Variants in POLE observed in about 807,000 individuals in gnomAD.
POLE encodes the protein DNA polymerase epsilon, catalytic subunit, also known as DNA polymerase epsilon catalytic subunit A.
Under a neutral mutation model 279.2 loss-of-function variants are expected in POLE, and 188 were observed. The observed-to-expected ratio is 0.67, with a 90% CI of 0.60 to 0.76. The LOEUF is 0.76. Among genes scored for constraint, POLE ranks in the 30% least tolerant of loss-of-function variants. The pLI is 0.00. For missense variants in POLE, 2,703 were observed against 3,016.7 expected, an observed-to-expected ratio of 0.90 and a Z score of 2.44; for synonymous variants, 1,214 against 1,172.5, an observed-to-expected ratio of 1.04 and a Z score of -0.72.
chr12:132,631,762 C>G (rs930437805), intron 45 of POLE, among the ~76,000 whole-genome samples: 1 of 152,236 alleles, frequency 6.6e-6, no homozygotes, highest in African/African-American at 2.4e-5. Context: ...GGTGACCCAT[C>G]CTCCCAGCCG....
chr12:132,687,125 G>C (rs1056064594), intron 1 of POLE, 129 bp downstream of exon 1: 15 of 455,920 alleles, frequency 3.3e-5, no homozygotes, highest in Non-Finnish European at 4.6e-5. Context: ...CCCTACCCCA[G>C]TCAGGCGCGG....
At position 132,649,821 on chromosome 12, in the gene POLE, G is replaced by A. The variant is rs765445494; in HGVS notation, c.3651C>T (p.Leu1217=). The A allele has an allele frequency of 2.4e-5, 39 of 1,614,014 alleles. No homozygotes were observed. The highest frequency in any genetic ancestry group is 3.3e-5 in the South Asian group (3 of 91,080). ...GGGCTGCTGGGTGAGGCAGCTTTACGAGGCCGAAGTCCTCCATGTCAGGAG... is the reference window on the plus strand; with the variant it reads ...GGGCTGCTGGGTGAGGCAGCTTTACAAGGCCGAAGTCCTCCATGTCAGGAG... ...PSAPDMEDFG[L]VKLPHPAAPV... is the part of the protein sequence containing the mutation. The change falls in exon 30 of 49, where the codon CTC becomes CTT. Residue 1217 remains leucine, a synonymous_variant. Coordinates refer to ENST00000320574, the MANE Select transcript of POLE (RefSeq NM_006231.4).
rs543270839 is a variant in POLE at position 132,672,904 on chromosome 12, C to T, written c.1474-65G>A. 5.7e-6 allele frequency: 8 copies of T among 1,414,398 alleles called. No homozygotes were observed. The South Asian group carries it at 8.4e-5, about 15-fold the overall frequency. 87.6% of individuals were successfully genotyped at this position (1,414,398 alleles called of 1,614,324 possible). A position where few individuals can be genotyped will look rare whatever the true frequency, so the allele number is the denominator to read the frequency against. ...AAAGGCCCTGACTTGCAGGCAAAGT[C>T]CAGGAACCTAAGCTGAACTTCAGTG... On this transcript the variant is annotated intron_variant, in intron 14 of 48. Coordinates refer to ENST00000320574, the MANE Select transcript of POLE (RefSeq NM_006231.4).
intron 20 of POLE, among the ~76,000 whole-genome samples, chr12:132,667,226 T>C (rs1320884882): frequency 1.3e-5 from 2 of 152,112 alleles, no homozygotes; most frequent in Non-Finnish European, 2.9e-5. Flanking sequence ...CTTGATGTAC[T>C]CAAACGGCCA....
chr12:132,662,829 T>C (rs1002589686), intron 23 of POLE, among the ~76,000 whole-genome samples: 6 of 152,144 alleles, frequency 3.9e-5, no homozygotes, highest in Non-Finnish European at 8.8e-5. Context: ...AGGAAGCCAC[T>C]CCGGTCCTAT....
intron 16 of POLE, among the ~76,000 whole-genome samples, chr12:132,669,552 T>G (rs192415439): frequency 3.3e-5 from 5 of 152,032 alleles, no homozygotes; most frequent in Non-Finnish European, 7.4e-5. Flanking sequence ...AAAAAAGTGA[T>G]TACAAGGAAT....
At position 132,642,650 on chromosome 12, in the gene POLE, A is replaced by G; in HGVS notation, c.4808T>C (p.Leu1603Ser). The change falls in exon 37 of 49, where the codon TTG (leucine) becomes TCG (serine). Residue 1603 changes from leucine (L) to serine (S), a missense_variant. Leu to Ser is a moderately radical substitution (Grantham distance 145, BLOSUM62 -2). Around this residue, in one of 5 missense-constraint regions of POLE, gnomAD observed 1,551 missense variants for 1,686.1 expected, o/e 0.92. Transcript: ENST00000320574. ...GATAGGCACCAGTGGGAATTCCTCCAAGACAGGAATTTCACTGGCCAGCCT... is the reference window on the plus strand; with the variant it reads ...GATAGGCACCAGTGGGAATTCCTCCGAGACAGGAATTTCACTGGCCAGCCT... Reference protein sequence around the residue: ...LKRLASEIPVLEEFPLVPICV... With the variant: ...LKRLASEIPVSEEFPLVPICV... 6.2e-7 allele frequency: 1 copy of G among 1,613,306 alleles called. No homozygotes were observed. Among genetic ancestry groups the G allele is most frequent in the South Asian group, 1.1e-5 (1 of 91,084 alleles).
chr12:132,681,082 T>C (rs549066390), intron 2 of POLE, 56 bp downstream of exon 2: 1 of 1,602,420 alleles, frequency 6.2e-7, no homozygotes, highest in South Asian at 1.1e-5. Context: ...AGGACCACGC[T>C]ATGACCAGAA....
chr12:132,643,075 C>T (rs2138544869), intron 35 of POLE, 79 bp from the exon 36 acceptor site: 7 of 1,489,156 alleles, frequency 4.7e-6, no homozygotes, highest in Non-Finnish European at 9.0e-7. Flanking sequence ...TCCACCACTG[C>T]CACGGCACTG....
rs556789278 is a variant in POLE, at chr12:132,675,501, G to A, written c.1123C>T (p.Arg375Trp). Residue 375 changes from arginine to tryptophan, a missense_variant, in exon 12 of 49, where the codon CGG becomes TGG. Arg to Trp is a moderately radical substitution (Grantham distance 101). Around this residue, in one of 5 missense-constraint regions of POLE, gnomAD observed 1,011 missense variants for 1,111.7 expected, o/e 0.91. Coordinates refer to ENST00000320574, the MANE Select transcript of POLE (RefSeq NM_006231.4). The surrounding 1 kb of genome is among the most constrained non-coding windows in gnomAD (Gnocchi z 4.3). ...DFFDWPFVEA[R>W]AAVHGLSMQQ... ...ATGCTCAGACCGTGGACTGCTGCCCGGGCCTCCACAAATGGCCTGGGTTGG... is the reference window on the plus strand; with the variant it reads ...ATGCTCAGACCGTGGACTGCTGCCCAGGCCTCCACAAATGGCCTGGGTTGG... 4 of 1,614,064 alleles carry A rather than the reference G, an allele frequency of 2.5e-6. No individual in the cohort carries two copies. Among genetic ancestry groups the A allele is most frequent in the African/African-American group, 1.3e-5 (1 of 75,038 alleles).
At chr12:132,627,038 T>C (rs1221488955) in intron 45 of POLE, among the ~76,000 whole-genome samples, 2 of 152,238 alleles carry the variant, frequency 1.3e-5, no homozygotes, top group East Asian at 3.8e-4. Flanking sequence ...CCCAGCACTT[T>C]GGTAGGCCAA....
intron 29 of POLE, among the ~76,000 whole-genome samples, chr12:132,656,899 T>G (rs972053616): frequency 1.3e-5 from 2 of 152,202 alleles, no homozygotes; most frequent in Non-Finnish European, 2.9e-5. Context: ...CACCCTAATA[T>G]TTTCACATAA....
Position 132,664,580 on chromosome 12 carries a change from C to G in POLE, c.2469-118G>C. 1 of 753,882 alleles carries G rather than the reference C, an allele frequency of 1.3e-6. No individual in the cohort carries two copies. Among genetic ancestry groups the G allele is most frequent in the Non-Finnish European group, 2.3e-6 (1 of 434,348 alleles). The allele number at this position is 753,882 out of a possible 1,614,324, so 46.7% of individuals were successfully genotyped here. The stretch of plus-strand genomic sequence containing the variant: ...ATGCGACAGGGACAAGGGAAGCAGC[C>G]AAATGTGCGTGCACCAGGACAGAAC... On this transcript the variant is annotated intron_variant, in intron 21 of 48. Coordinates refer to ENST00000320574, the MANE Select transcript of POLE (RefSeq NM_006231.4). This position sits in a 1 kb window ranked among gnomAD's most constrained non-coding sequence, Gnocchi z 5.3.
At chr12:132,636,886 T>C (rs914359677) in intron 41 of POLE, among the ~76,000 whole-genome samples, 3 of 152,262 alleles carry the variant, frequency 2.0e-5, no homozygotes, top group Non-Finnish European at 4.4e-5. Flanking sequence ...AGGAGAACTT[T>C]ATGTTCTCCC....
At chr12:132,682,710 G>A (rs1435426816) in intron 1 of POLE, among the ~76,000 whole-genome samples, 5 of 152,148 alleles carry the variant, frequency 3.3e-5, no homozygotes, top group Non-Finnish European at 2.9e-5. Context: ...CCAGCACTTT[G>A]GGAGGCCAAG....
Position 132,679,487 on chromosome 12 carries a change from C to T in POLE, c.578+10G>A. On this transcript the variant is annotated intron_variant, in intron 6 of 48. Transcript: ENST00000320574. ...ACCGCTGATGCTTTGCTCACAAGAC[C>T]AAAGTTTACCTGGAAAGCAGAGCTG... 6.3e-7 allele frequency: 1 copy of T among 1,595,172 alleles called. No homozygotes were observed. The highest frequency in any genetic ancestry group is 2.3e-5 in the East Asian group (1 of 44,320).
At chr12:132,632,558 G>C in intron 44 of POLE, 50 bp from the exon 45 acceptor site, 1 of 1,604,978 alleles carries the variant, frequency 6.2e-7, no homozygotes, top group Non-Finnish European at 8.5e-7. Context: ...GTCTGGCACT[G>C]GGGACCTCCC....
chr12:132,675,973 C>A lies in POLE; in HGVS notation c.1020+121G>T. ...TCTCTGGCAGAAAAGACGGTCATAC[C>A]CTGAGAACAAAGCTCATGGAGCTGC... On this transcript the variant is annotated intron_variant, in intron 10 of 48. Coordinates refer to ENST00000320574, the MANE Select transcript of POLE (RefSeq NM_006231.4). This position sits in a 1 kb window ranked among gnomAD's most constrained non-coding sequence, Gnocchi z 4.3. 1.1e-6 allele frequency: 1 copy of A among 921,004 alleles called. No homozygotes were observed. Among genetic ancestry groups the A allele is most frequent in the Non-Finnish European group, 1.7e-6 (1 of 586,644 alleles). 57.1% of individuals were successfully genotyped at this position (921,004 alleles called of 1,614,324 possible).
In POLE at chr12:132,642,384, G is replaced by A; in HGVS notation, c.4966C>T (p.Pro1656Ser). ...AFEMSRYFHI[P>S]IGNLPEDIST... ...ATGTCCTCTGGTAGGTTCCCAATGGGAATGTGAAAGTACCTGCACCAGGGC... is the reference window on the plus strand; with the variant it reads ...ATGTCCTCTGGTAGGTTCCCAATGGAAATGTGAAAGTACCTGCACCAGGGC... Residue 1656 changes from proline (P) to serine (S), a missense_variant, in exon 38 of 49, where the codon CCC (proline) becomes TCC (serine). Pro to Ser is a moderately conservative substitution (Grantham distance 74, BLOSUM62 -1). Transcript: ENST00000320574. The A allele has an allele frequency of 6.3e-7, 1 of 1,578,164 alleles. No homozygotes were observed.
Sources: allele counts gnomAD v4.1 joint callset (sites outside exome capture counted in the v4.1 genomes callset), GRCh38; gene constraint gnomAD v4.1.1; regional missense constraint gnomAD v4.1.1; non-coding constraint Gnocchi (gnomAD v3.1); transcripts MANE v1.5; gene names NCBI Gene and HGNC (gene_info 2026-07-23, HGNC 2026-07-21).